The following KLHDC1 variants were observed in gnomAD, a reference collection of about 807,000 sequenced individuals.
The protein encoded by KLHDC1 is kelch domain containing 1.
Under a neutral mutation model 68.3 loss-of-function variants are expected in KLHDC1, and 53 were observed. That is an observed-to-expected ratio of 0.78 (90% CI 0.62 to 0.98). The LOEUF is 0.98. Among genes scored for constraint, KLHDC1 ranks in the 50% least tolerant of loss-of-function variants. KLHDC1 has a pLI of 0.00. For missense variants in KLHDC1, 470 were observed against 492.3 expected (o/e 0.95, Z 0.43); for synonymous variants, 148 against 159.0 (o/e 0.93, Z 0.52).
In KLHDC1 at chr14:49,740,169, T is replaced by C. The variant is rs746276851; in HGVS notation, c.968T>C (p.Leu323Pro). 3 of 1,599,394 alleles carry C rather than the reference T, an allele frequency of 1.9e-6. No homozygotes were observed. In the South Asian group the frequency reaches 3.3e-5, roughly 18 times the overall value. ...TTTGGTGGGAGCAAAGATGACTTAC[T>C]TGCCTTGGATACAGTAAGAAAATCT... ...MVFGGSKDDL[L>P]ALDTGHCNDL... is the part of the protein sequence containing the mutation. Residue 323 changes from leucine (L) to proline (P), a missense_variant, in exon 11 of 13, where the codon CTT (leucine) becomes CCT (proline). Leu to Pro is a moderately conservative substitution (Grantham distance 98, BLOSUM62 -3). Transcript: ENST00000359332.
chr14:49,748,007 CTTA>C (rs2139771790), intron 12 of KLHDC1, among the ~76,000 whole-genome samples: 2 of 152,096 alleles, frequency 1.3e-5, no homozygotes, highest in South Asian at 4.2e-4. Context: ...CTGGAAGGGT[CTTA>C]TTATTTGGAG....
intron 1 of KLHDC1, among the ~76,000 whole-genome samples, chr14:49,701,895 G>C (rs778531758): frequency 1.4e-4 from 21 of 151,810 alleles, no homozygotes; most frequent in Non-Finnish European, 8.8e-5. Flanking sequence ...TTAGCCGGGC[G>C]TGGTGGCTCA....
At chr14:49,714,333 C>T (rs994980557) in intron 4 of KLHDC1, among the ~76,000 whole-genome samples, 10 of 151,568 alleles carry the variant, frequency 6.6e-5, no homozygotes, top group African/African-American at 2.4e-4. Context: ...ATTAGCCAGG[C>T]GTGGTGGCAG....
Position 49,732,735 on chromosome 14 carries a change from C to T in KLHDC1, c.742C>T (p.Arg248Trp), listed in dbSNP as rs369123389. 1.9e-6 allele frequency: 3 copies of T among 1,607,074 alleles called. No homozygotes were observed. Among genetic ancestry groups the T allele is most frequent in the Non-Finnish European group, 2.6e-6 (3 of 1,174,134 alleles). The stretch of plus-strand genomic sequence containing the variant: ...TATTAATGGAGAAAGCCCAAAACAT[C>T]GGTCATGGCATACTTTAACACCTAT... ...ITINGESPKHRSWHTLTPIAD... is the reference protein window; with the variant it reads ...ITINGESPKHWSWHTLTPIAD... Residue 248 changes from arginine to tryptophan, a missense_variant, in exon 9 of 13, where the codon CGG (arginine) becomes TGG (tryptophan). Physicochemically the swap from Arg to Trp is moderately radical, Grantham distance 101. Coordinates refer to ENST00000359332, the MANE Select transcript of KLHDC1 (RefSeq NM_172193.3).
chr14:49,748,893 TG>T (rs906086997), intron 12 of KLHDC1, among the ~76,000 whole-genome samples: 6 of 151,568 alleles, frequency 4.0e-5, no homozygotes, highest in Non-Finnish European at 8.8e-5. Context: ...CTCCGCCTCC[TG>T]GGTTCAAGCA....
At chr14:49,699,550 A>G (rs948851971) in intron 1 of KLHDC1, among the ~76,000 whole-genome samples, 4 of 152,200 alleles carry the variant, frequency 2.6e-5, no homozygotes, top group Admixed American at 2.6e-4. Context: ...TCCAGTACTC[A>G]GTAGTTAAGT....
rs201335815 is a variant in KLHDC1 at position 49,736,248 on chromosome 14, G to A, written c.896+1587G>A. On this transcript the variant is annotated intron_variant, in intron 10 of 12. Transcript: ENST00000359332. ...TACTGTTAGTTAGAACTAGAGCTAT[G>A]TAAAGAGATTTCTTTTAATTCAGCT... Among the ~76,000 whole-genome samples, 62 of 152,306 alleles carry A rather than the reference G, an allele frequency of 4.1e-4. 1 individual carries two copies. The East Asian group carries it at 8.3e-3, about 20-fold the overall frequency.
intron 1 of KLHDC1, 70 bp downstream of exon 1, chr14:49,693,360 G>A (rs774074397): frequency 6.2e-4 from 690 of 1,118,390 alleles, no homozygotes; most frequent in Admixed American, 1.7e-3. Context: ...CGCAGCGCCC[G>A]CCACACCCGC....
chr14:49,730,078 G>T (rs777753835), intron 8 of KLHDC1, among the ~76,000 whole-genome samples: 1 of 152,014 alleles, frequency 6.6e-6, no homozygotes, highest in African/African-American at 2.4e-5. Context: ...TTGTAAAGAT[G>T]ATATGAACTC....
chr14:49,693,773 G>C lies in KLHDC1; in HGVS notation c.96+483G>C. On this transcript the variant is annotated intron_variant, in intron 1 of 12. Transcript: ENST00000359332. ...CTTTTTTTTTTTTTTTTGAGATGGAGTTTCGCTCTTGTTGCCCAGGGCTGG... is the reference window on the plus strand; with the variant it reads ...CTTTTTTTTTTTTTTTTGAGATGGACTTTCGCTCTTGTTGCCCAGGGCTGG... Among the ~76,000 whole-genome samples, 2 of 22,068 alleles carry C rather than the reference G, an allele frequency of 9.1e-5. 1 individual carries two copies. Among genetic ancestry groups the C allele is most frequent in the Admixed American group, 7.5e-4 (2 of 2,682 alleles). 14.5% of individuals were successfully genotyped at this position (22,068 alleles called of 152,430 possible). A position where few individuals can be genotyped will look rare whatever the true frequency, so the allele number is the denominator to read the frequency against.
At chr14:49,696,184 CTTT>C (rs775054220) in intron 1 of KLHDC1, among the ~76,000 whole-genome samples, 1 of 142,284 alleles carries the variant, frequency 7.0e-6, no homozygotes, top group Non-Finnish European at 1.5e-5. Flanking sequence ...TCACCTTGCA[CTTT>C]TTTTTTTTTT....
intron 1 of KLHDC1, among the ~76,000 whole-genome samples, chr14:49,706,722 T>C (rs978722494): frequency 6.6e-6 from 1 of 152,182 alleles, no homozygotes; most frequent in African/African-American, 2.4e-5. Context: ...TTGCACTTAT[T>C]TGATGATCAG....
chr14:49,710,364 C>T lies in KLHDC1; in HGVS notation c.387C>T (p.Cys129=). The part of the protein sequence containing the change: ...QPPTPRDKLS[C]WVYKDRLIYF... ...CTACACCACGTGATAAACTTTCCTGCTGGGTATATAAAGACAGGTAATGCA... is the reference window on the plus strand; with the variant it reads ...CTACACCACGTGATAAACTTTCCTGTTGGGTATATAAAGACAGGTAATGCA... The change falls in exon 4 of 13, where the codon TGC becomes TGT. Residue 129 remains cysteine, a synonymous_variant. Transcript: ENST00000359332. 5.0e-6 allele frequency: 8 copies of T among 1,592,174 alleles called. No homozygotes were observed. Among genetic ancestry groups the T allele is most frequent in the Middle Eastern group, 1.7e-4 (1 of 6,022 alleles).
intron 4 of KLHDC1, among the ~76,000 whole-genome samples, chr14:49,717,384 G>A (rs1888406977): frequency 6.6e-6 from 1 of 152,168 alleles, no homozygotes; most frequent in Non-Finnish European, 1.5e-5. Context: ...TTTTGGGTGT[G>A]TGTGTGTGTG....
chr14:49,724,566 C>A (rs1046280695), intron 5 of KLHDC1, among the ~76,000 whole-genome samples: 4 of 150,030 alleles, frequency 2.7e-5, no homozygotes, highest in Non-Finnish European at 5.9e-5. Context: ...TATATATATA[C>A]ACACACACAC....
In KLHDC1 at chr14:49,718,769, CTT is replaced by C. The variant is rs71115397; in HGVS notation, c.405-5081_405-5080del. Among the ~76,000 whole-genome samples, 99 of 76,778 alleles carry C rather than the reference CTT, an allele frequency of 1.3e-3. 1 individual carries two copies. The highest frequency in any genetic ancestry group is 4.6e-3 in the African/African-American group (87 of 18,782). 50.4% of individuals were successfully genotyped at this position (76,778 alleles called of 152,430 possible). A position where few individuals can be genotyped will look rare whatever the true frequency, so the allele number is the denominator to read the frequency against. On this transcript the variant is annotated intron_variant, in intron 4 of 12. Coordinates refer to ENST00000359332, the MANE Select transcript of KLHDC1 (RefSeq NM_172193.3). The stretch of plus-strand genomic sequence containing the variant: ...GTTTTTCTTTTTCTTTTCTTTCTTT[CTT>C]TTTTTTTTTTTTTTTTTTTTTTTGA...
At chr14:49,737,778 T>TGGGA in intron 10 of KLHDC1, among the ~76,000 whole-genome samples, 1 of 144,536 alleles carries the variant, frequency 6.9e-6, no homozygotes, top group South Asian at 2.2e-4. Context: ...GGTGGGAGGA[T>TGGGA]CACTTGAGCC....
chr14:49,748,245 G>C (rs982722491), intron 12 of KLHDC1, among the ~76,000 whole-genome samples: 1 of 152,208 alleles, frequency 6.6e-6, no homozygotes, highest in Non-Finnish European at 1.5e-5. Context: ...ATGAGCTGGA[G>C]GTTAGTAGAT....
At position 49,752,635 on chromosome 14, in the gene KLHDC1, GC is replaced by G. The variant is rs1364561391; in HGVS notation, c.*868del. On this transcript the variant is annotated 3_prime_UTR_variant, in exon 13 of 13. Coordinates refer to ENST00000359332, the MANE Select transcript of KLHDC1 (RefSeq NM_172193.3). ...GACTTTATAGAAATCCCTCAGTTTGGCCCCCACCATTCTACAGAGTTGTACT... is the reference window on the plus strand; with the variant it reads ...GACTTTATAGAAATCCCTCAGTTTGGCCCCACCATTCTACAGAGTTGTACT... 2.6e-5 allele frequency: 4 copies of G among 151,828 alleles called. No individual in the cohort carries two copies. Among genetic ancestry groups the G allele is most frequent in the African/African-American group, 4.8e-5 (2 of 41,322 alleles). 9.4% of individuals were successfully genotyped at this position (151,828 alleles called of 1,614,324 possible). A position where few individuals can be genotyped will look rare whatever the true frequency, so the allele number is the denominator to read the frequency against.
Sources: allele counts gnomAD v4.1 joint callset (sites outside exome capture counted in the v4.1 genomes callset), GRCh38; gene constraint gnomAD v4.1.1; transcripts MANE v1.5; gene names NCBI Gene and HGNC (gene_info 2026-07-23, HGNC 2026-07-21).